CNKSR3: variants seen among roughly 807,000 people sequenced by gnomAD.
CNKSR3 encodes connector enhancer of kinase suppressor of ras 3.
In CNKSR3, 36 loss-of-function variants were observed where a neutral mutation model predicts 67.7. The ratio of observed to expected loss-of-function variants is 0.53; its 90% CI spans 0.41 to 0.70. The LOEUF is 0.70. Among genes scored for constraint, CNKSR3 ranks in the 30% least tolerant of loss-of-function variants. The pLI, the probability that CNKSR3 is intolerant of heterozygous loss-of-function variation, is 0.00. For synonymous variants in CNKSR3, 281 were observed against 271.4 expected, an observed-to-expected ratio of 1.04 and a Z score of -0.35; for missense variants, 630 against 695.2, an observed-to-expected ratio of 0.91 and a Z score of 1.05.
intron 1 of CNKSR3, among the ~76,000 whole-genome samples, chr6:154,497,130 C>A (rs1786895820): frequency 6.6e-6 from 1 of 152,042 alleles, no homozygotes; most frequent in African/African-American, 2.4e-5. Flanking sequence ...GCAATCCCGG[C>A]ACTTTGGGAG....
intron 1 of CNKSR3, among the ~76,000 whole-genome samples, chr6:154,480,401 G>A (rs1267249806): frequency 6.6e-6 from 1 of 152,178 alleles, no homozygotes; most frequent in Non-Finnish European, 1.5e-5. Context: ...CCCCAGACTG[G>A]CTCTGCTTTC....
At chr6:154,484,516 C>G (rs1786626566) in intron 1 of CNKSR3, among the ~76,000 whole-genome samples, 1 of 151,980 alleles carries the variant, frequency 6.6e-6, no homozygotes, top group Admixed American at 6.6e-5. Context: ...CCAGCCTGAC[C>G]AACATGGTGA....
At chr6:154,467,910 C>T (rs4512231) in intron 1 of CNKSR3, among the ~76,000 whole-genome samples, 53,116 of 151,144 alleles carry the variant, frequency 0.35, 9,925 homozygotes, top group African/African-American at 0.47. Context: ...CAGGTGCCCA[C>T]TACCACGCCC....
At chr6:154,429,762 T>C (rs1785327170) in intron 6 of CNKSR3, among the ~76,000 whole-genome samples, 1 of 152,098 alleles carries the variant, frequency 6.6e-6, no homozygotes, top group Non-Finnish European at 1.5e-5. Flanking sequence ...CCAGCAACTG[T>C]AGCTGCAGCC....
chr6:154,487,553 T>C (rs972433715), intron 1 of CNKSR3, among the ~76,000 whole-genome samples: 1 of 152,184 alleles, frequency 6.6e-6, no homozygotes, highest in Non-Finnish European at 1.5e-5. Context: ...GCAGCCACAA[T>C]GTTTCAGAAT....
intron 1 of CNKSR3, among the ~76,000 whole-genome samples, chr6:154,499,587 T>C (rs1334518541): frequency 2.6e-5 from 4 of 152,176 alleles, no homozygotes; most frequent in East Asian, 1.9e-4. Context: ...TAAACACTCA[T>C]TAAGTTTCTC....
In CNKSR3 at chr6:154,405,488, A is replaced by T. The variant is rs1279507627; in HGVS notation, c.*866T>A. 1 of 152,422 alleles carries T rather than the reference A, an allele frequency of 6.6e-6. No individual in the cohort carries two copies. Among genetic ancestry groups the T allele is most frequent in the African/African-American group, 2.4e-5 (1 of 41,464 alleles). 9.4% of individuals were successfully genotyped at this position (152,422 alleles called of 1,614,324 possible). A position where few individuals can be genotyped will look rare whatever the true frequency, so the allele number is the denominator to read the frequency against. ...TTTCCAAGATATTTCTAATTAGCAAACTGTGTACAATTTTGAAGAAGTGTA... is the reference window on the plus strand; with the variant it reads ...TTTCCAAGATATTTCTAATTAGCAATCTGTGTACAATTTTGAAGAAGTGTA... On this transcript the variant is annotated 3_prime_UTR_variant, in exon 13 of 13. Coordinates refer to ENST00000607772, the MANE Select transcript of CNKSR3 (RefSeq NM_173515.4).
chr6:154,435,559 T>C (rs1785453650), intron 4 of CNKSR3, among the ~76,000 whole-genome samples: 1 of 152,142 alleles, frequency 6.6e-6, no homozygotes, highest in Non-Finnish European at 1.5e-5. Context: ...GGACTCCCTC[T>C]CACCTCCCGC....
At position 154,410,440 on chromosome 6, in the gene CNKSR3, G is replaced by A; in HGVS notation, c.1280-8C>T. 6.2e-7 allele frequency: 1 copy of A among 1,607,050 alleles called. No homozygotes were observed. Among genetic ancestry groups the A allele is most frequent in the Non-Finnish European group, 8.5e-7 (1 of 1,173,666 alleles). On this transcript the variant is annotated splice_region_variant and splice_polypyrimidine_tract_variant and intron_variant, in intron 11 of 12. Transcript: ENST00000607772. ...ACAAAGGCCGTGGCTTGCCTTCAGA[G>A]GGACGAGAAAGAAGGTGACAAGTTT...
intron 1 of CNKSR3, among the ~76,000 whole-genome samples, chr6:154,459,220 TG>T (rs1786026559): frequency 6.6e-6 from 1 of 151,140 alleles, no homozygotes; most frequent in Non-Finnish European, 1.5e-5. Context: ...AGACGATGCA[TG>T]TAAGTCGGGT....
In CNKSR3 at chr6:154,422,471, T is replaced by C; in HGVS notation, c.945+35A>G. On this transcript the variant is annotated intron_variant, in intron 9 of 12. Transcript: ENST00000607772. ...TTGGAGACTAATGAGATACTCAACA[T>C]TGTTGGATGGAGGTTTACAGTTAAT... The C allele has an allele frequency of 1.9e-6, 3 of 1,598,562 alleles. No individual in the cohort carries two copies. The East Asian group carries it at 6.7e-5, about 36-fold the overall frequency.
intron 9 of CNKSR3, among the ~76,000 whole-genome samples, chr6:154,419,181 G>A (rs1033176237): frequency 5.3e-5 from 8 of 151,882 alleles, no homozygotes; most frequent in African/African-American, 1.7e-4. Flanking sequence ...CAACAGGTAC[G>A]TGCCACCACA....
chr6:154,459,292 G>A (rs1162372603), intron 1 of CNKSR3, among the ~76,000 whole-genome samples: 2 of 152,050 alleles, frequency 1.3e-5, no homozygotes, highest in Non-Finnish European at 2.9e-5. Flanking sequence ...GGGGCCCTGT[G>A]AAATCCAAAC....
At chr6:154,432,917 T>C (rs549495884) in intron 5 of CNKSR3, among the ~76,000 whole-genome samples, 59 of 152,348 alleles carry the variant, frequency 3.9e-4, no homozygotes, top group African/African-American at 1.4e-3. Flanking sequence ...TTCCTCCAAT[T>C]TGTTTGGCCT....
chr6:154,406,553 T>C lies in CNKSR3; in HGVS notation c.1469A>G (p.Glu490Gly). ...PPYRFSRPTT[E>G]RHLVRGADYI... The stretch of plus-strand genomic sequence containing the variant: ...GTCCGCACCCCGGACCAGATGCCGC[T>C]CGGTCGTGGGTCTGGAGAACCGGTA... The change falls in exon 13 of 13, where the codon GAG becomes GGG. Residue 490 changes from glutamate to glycine, a missense_variant. Coordinates refer to ENST00000607772, the MANE Select transcript of CNKSR3 (RefSeq NM_173515.4). The C allele has an allele frequency of 6.2e-7, 1 of 1,614,200 alleles. No individual in the cohort carries two copies. The highest frequency in any genetic ancestry group is 1.3e-5 in the African/African-American group (1 of 75,048).
At chr6:154,492,607 G>A (rs1279643962) in intron 1 of CNKSR3, among the ~76,000 whole-genome samples, 2 of 151,920 alleles carry the variant, frequency 1.3e-5, no homozygotes, top group Admixed American at 6.6e-5. Context: ...TTAGCCTGGC[G>A]TGATGATGCA....
At chr6:154,432,261 C>G (rs181376444) in intron 5 of CNKSR3, among the ~76,000 whole-genome samples, 33 of 152,296 alleles carry the variant, frequency 2.2e-4, no homozygotes, top group African/African-American at 7.5e-4. Flanking sequence ...ATACAAATGA[C>G]ATTGAACATC....
chr6:154,497,158 G>A (rs138456856), intron 1 of CNKSR3, among the ~76,000 whole-genome samples: 48 of 151,750 alleles, frequency 3.2e-4, no homozygotes, highest in African/African-American at 1.0e-3. Flanking sequence ...CAGGAGGATC[G>A]TTTTGAGCTC....
intron 1 of CNKSR3, among the ~76,000 whole-genome samples, chr6:154,494,115 C>CT (rs1786833206): frequency 6.6e-6 from 1 of 151,858 alleles, no homozygotes; most frequent in African/African-American, 2.4e-5. Flanking sequence ...TGAGACTGGG[C>CT]AATTTATAAA....
Sources: allele counts gnomAD v4.1 joint callset (sites outside exome capture counted in the v4.1 genomes callset), GRCh38; gene constraint gnomAD v4.1.1; transcripts MANE v1.5; gene names NCBI Gene and HGNC (gene_info 2026-07-23, HGNC 2026-07-21).